The following ZNF37A variants were observed in gnomAD, a reference collection of about 807,000 sequenced individuals.
ZNF37A encodes the protein zinc finger protein 37A.
Under a neutral mutation model 12.3 loss-of-function variants are expected in ZNF37A, and 10 were observed. The ratio of observed to expected loss-of-function variants is 0.82; its 90% confidence interval spans 0.50 to 1.38. ZNF37A has a LOEUF of 1.38. Ranked by LOEUF, ZNF37A falls within the 40% of genes most tolerant of loss-of-function variation. The probability of loss-of-function intolerance (pLI) is 0.00; values close to 1 mark genes in which losing one functional copy is unlikely to be tolerated. For missense variants in ZNF37A, 580 were observed against 651.2 expected (o/e 0.89, Z 1.19); for synonymous variants, 207 against 223.0 (o/e 0.93, Z 0.64).
At chr10:38,125,250 A>T (rs2069907591), downstream of ZNF37A, 2 of 152,212 alleles carry the variant, frequency 1.3e-5, no homozygotes, top group Non-Finnish European at 2.9e-5. Context: ...TTCAAAGCAC[A>T]CAGTTAAGGA....
rs571558008 is a variant in ZNF37A at position 38,100,395 on chromosome 10, A to G, written c.15+3763A>G. Among the ~76,000 whole-genome samples, 3 of 152,196 alleles carry G rather than the reference A, an allele frequency of 2.0e-5. No homozygotes were observed. The South Asian group carries it at 6.2e-4, about 32-fold the overall frequency. ...AATAAGCCTGGGAGAACTATGGGAG[A>G]CTGGGGTCTATTTCACCCCTACAGC... On this transcript the variant is annotated intron_variant, in intron 5 of 7. Coordinates refer to ENST00000685332, the MANE Select transcript of ZNF37A (RefSeq NM_001324250.3).
At chr10:38,145,450 A>C (rs1379883625) in intron 7 of ZNF37A, among the ~76,000 whole-genome samples, 1 of 152,184 alleles carries the variant, frequency 6.6e-6, no homozygotes, top group Non-Finnish European at 1.5e-5. Context: ...TTTTCTTGCC[A>C]GGCATTTTAT....
At chr10:38,142,982 C>T (rs913092272) in intron 7 of ZNF37A, 1 of 152,220 alleles carries the variant, frequency 6.6e-6, no homozygotes, top group Non-Finnish European at 1.5e-5. Context: ...TTCTATTTTT[C>T]TTCATTCCTG....
rs1238710568 is a variant in ZNF37A at position 38,123,710 on chromosome 10, C to T, written c.*4873C>T. ...TAGACGTTTCTCAAAAGAAGACATA[C>T]AAATGGCAAACAGGCATATGAAAAG... On this transcript the variant is annotated 3_prime_UTR_variant, in exon 8 of 8. Transcript: ENST00000685332. 6.6e-6 allele frequency: 1 copy of T among 152,098 alleles called. No homozygotes were observed. The highest frequency in any genetic ancestry group is 1.5e-5 in the Non-Finnish European group (1 of 68,014). The allele number at this position is 152,098 out of a possible 1,614,324, so 9.4% of individuals were successfully genotyped here. A position where few individuals can be genotyped will look rare whatever the true frequency, so the allele number is the denominator to read the frequency against.
intron 7 of ZNF37A, chr10:38,144,417 A>G (rs183415454): frequency 1.3e-5 from 2 of 152,358 alleles, no homozygotes; most frequent in East Asian, 3.9e-4. Flanking sequence ...TTTAATCAGT[A>G]TATACTTATA....
chr10:38,118,380 C>A lies in ZNF37A; in HGVS notation c.1229C>A (p.Pro410His). The stretch of plus-strand genomic sequence containing the variant: ...CAAAGAATACACACAGGTGAAAAAC[C>A]TTATGAATGTAATGAATGTGGGAAG... Reference protein sequence around the residue: ...KHQRIHTGEKPYECNECGKSF... With the variant: ...KHQRIHTGEKHYECNECGKSF... Residue 410 changes from proline (P) to histidine (H), a missense_variant, in exon 8 of 8, where the codon CCT (proline) becomes CAT (histidine). Pro to His is a moderately conservative substitution (Grantham distance 77). Transcript: ENST00000685332. 4.3e-6 allele frequency: 7 copies of A among 1,613,856 alleles called. No individual in the cohort carries two copies. Among genetic ancestry groups the A allele is most frequent in the Non-Finnish European group, 5.9e-6 (7 of 1,179,988 alleles).
At chr10:38,137,710 A>C (rs981131966) in intron 7 of ZNF37A, 3 of 152,176 alleles carry the variant, frequency 2.0e-5, no homozygotes, top group African/African-American at 4.8e-5. Context: ...GGTAGTTGCA[A>C]CCCTGCTCGT....
At chr10:38,133,158 A>G (rs1024901625) in intron 7 of ZNF37A, among the ~76,000 whole-genome samples, 1 of 152,182 alleles carries the variant, frequency 6.6e-6, no homozygotes, top group Non-Finnish European at 1.5e-5. Flanking sequence ...GTCTTTAGAC[A>G]TACAGAAAGT....
chr10:38,127,972 T>C (rs756723280), downstream of ZNF37A, among the ~76,000 whole-genome samples: 30 of 152,278 alleles, frequency 2.0e-4, no homozygotes, highest in Admixed American at 3.9e-4. Flanking sequence ...GAGAAACACA[T>C]AGGCAGTTGA....
chr10:38,143,409 C>T (rs1326626170), intron 7 of ZNF37A: 1 of 152,182 alleles, frequency 6.6e-6, no homozygotes, highest in African/African-American at 2.4e-5. Flanking sequence ...ATATTGAGAT[C>T]ATCTAAAGAC....
intron 5 of ZNF37A, among the ~76,000 whole-genome samples, chr10:38,103,348 T>A (rs889958164): frequency 4.6e-5 from 7 of 152,216 alleles, no homozygotes; most frequent in Admixed American, 4.6e-4. Flanking sequence ...AAATTTTAGT[T>A]GTTGTACTTG....
intron 5 of ZNF37A, among the ~76,000 whole-genome samples, chr10:38,097,773 TA>T (rs905220481): frequency 5.4e-5 from 8 of 148,916 alleles, no homozygotes; most frequent in Admixed American, 1.3e-4. Context: ...AGATTCTACC[TA>T]AAAAAAAAAT....
intron 6 of ZNF37A, 129 bp from the exon 7 acceptor site, chr10:38,115,066 A>AGTGT (rs56124182): frequency 0.068 from 41,472 of 612,496 alleles, 1,289 homozygotes; most frequent in Admixed American, 0.076. Context: ...GATTAAATGA[A>AGTGT]GTGTGTGTGT....
chr10:38,148,527 G>C (rs1267388771), exon 8 of ZNF37A: 1 of 152,172 alleles, frequency 6.6e-6, no homozygotes, highest in South Asian at 2.1e-4. Context: ...ACTCTGCCCA[G>C]GATCTCAGAG....
At chr10:38,112,750 CTTT>C (rs1389404220) in intron 5 of ZNF37A, among the ~76,000 whole-genome samples, 741 of 47,288 alleles carry the variant, frequency 0.016, 73 homozygotes, top group African/African-American at 0.032. Flanking sequence ...CTTTTCTTTT[CTTT>C]TCTTTTCTTT....
chr10:38,118,318 G>T lies in ZNF37A; in HGVS notation c.1167G>T (p.Gly389=). 6.2e-7 allele frequency: 1 copy of T among 1,609,602 alleles called. No individual in the cohort carries two copies. The highest frequency in any genetic ancestry group is 8.5e-7 in the Non-Finnish European group (1 of 1,178,520). The change falls in exon 8 of 8, where the codon GGG becomes GGT. Residue 389 remains glycine, a synonymous_variant. Coordinates refer to ENST00000685332, the MANE Select transcript of ZNF37A (RefSeq NM_001324250.3). ...AGCCCTATGAATGCTATGCATGTGGGAAAGCCTTTCTCAGAAAATCAGACC... is the reference window on the plus strand; with the variant it reads ...AGCCCTATGAATGCTATGCATGTGGTAAAGCCTTTCTCAGAAAATCAGACC... The part of the protein sequence containing the change: ...GEKPYECYAC[G]KAFLRKSDLI...
At position 38,115,196 on chromosome 10, in the gene ZNF37A, G is replaced by A. The variant is rs369726543; in HGVS notation, c.144G>A (p.Gly48=). 6.8e-6 allele frequency: 11 copies of A among 1,611,982 alleles called. No individual in the cohort carries two copies. Among genetic ancestry groups the A allele is most frequent in the African/African-American group, 2.7e-5 (2 of 74,584 alleles). ...LENYSHLVSV[G]YCIPKPEVIL... is the part of the protein sequence containing the mutation. ...AAGTAATACAATTCTCATTCACAGG[G>A]TATTGCATTCCTAAACCAGAAGTGA... Residue 48 remains glycine (G), a splice_region_variant and synonymous_variant, in exon 7 of 8, where the codon GGG becomes GGA. Coordinates refer to ENST00000685332, the MANE Select transcript of ZNF37A (RefSeq NM_001324250.3).
At chr10:38,149,188 A>G (rs1241092735) in exon 8 of ZNF37A, 2 of 152,132 alleles carry the variant, frequency 1.3e-5, no homozygotes, top group Non-Finnish European at 2.9e-5. Context: ...CTATTATCCA[A>G]TATTCCCACT....
chr10:38,150,092 C>A (rs1401367216), exon 8 of ZNF37A: 1 of 152,336 alleles, frequency 6.6e-6, no homozygotes, highest in Non-Finnish European at 1.5e-5. Flanking sequence ...CAAGTTTCTT[C>A]TTGTCTGCCT....
Sources: gnomAD v4.1 joint callset for allele counts (sites outside exome capture counted in the v4.1 genomes callset) on GRCh38, gnomAD v4.1.1 for gene constraint, MANE v1.5 for transcripts, NCBI Gene and HGNC (gene_info 2026-07-23, HGNC 2026-07-21) for gene names.